IPO7: variants seen among roughly 807,000 people sequenced by gnomAD.
The protein encoded by IPO7 is importin 7.
IPO7 carries 13 observed loss-of-function variants against 136.4 expected under a neutral mutation model. That is an observed-to-expected ratio of 0.10 (90% confidence interval 0.06 to 0.15). The LOEUF is 0.15. Ranked by LOEUF, IPO7 falls within the 10% of genes least tolerant of loss-of-function variation. The probability of loss-of-function intolerance (pLI) is 1.00; values close to 1 mark genes in which losing one functional copy is unlikely to be tolerated. For synonymous variants in IPO7, 403 were observed against 404.4 expected (o/e 1.00, Z 0.04); for missense variants, 857 against 1,240.6 (o/e 0.69, Z 4.65).
intron 4 of IPO7, 94 bp downstream of exon 4, chr11:9,410,180 T>C: frequency 3.7e-6 from 3 of 817,494 alleles, no homozygotes; most frequent in Non-Finnish European, 5.3e-6. Flanking sequence ...ATATTTAGCA[T>C]AGATAATAAA....
intron 12 of IPO7, among the ~76,000 whole-genome samples, chr11:9,427,149 C>A (rs1010279983): frequency 1.3e-5 from 2 of 152,060 alleles, no homozygotes; most frequent in South Asian, 4.1e-4. Context: ...TGTGCCTGGC[C>A]CTTGCCCATT....
chr11:9,445,016 T>C (rs1590458138), intron 24 of IPO7, 81 bp from the exon 25 acceptor site: 1 of 868,456 alleles, frequency 1.2e-6, no homozygotes, highest in East Asian at 2.5e-5. Context: ...GTTAAGCTAC[T>C]GGCTTGTTTA....
chr11:9,400,191 T>C (rs779858792), intron 1 of IPO7, among the ~76,000 whole-genome samples: 4 of 152,232 alleles, frequency 2.6e-5, no homozygotes, highest in Non-Finnish European at 5.9e-5. Context: ...TGTATTGTTA[T>C]TTAAAATTTT....
chr11:9,398,824 A>G (rs1372059884), intron 1 of IPO7, among the ~76,000 whole-genome samples: 1 of 152,172 alleles, frequency 6.6e-6, no homozygotes, highest in Non-Finnish European at 1.5e-5. Flanking sequence ...GAACACTAGA[A>G]CTCACTAGTT....
Position 9,428,612 on chromosome 11 carries a change from G to A in IPO7, c.1408G>A (p.Gly470Ser). 6 of 1,562,714 alleles carry A rather than the reference G, an allele frequency of 3.8e-6. No individual in the cohort carries two copies. Among genetic ancestry groups the A allele is most frequent in the Non-Finnish European group, 5.3e-6 (6 of 1,135,646 alleles). ...HVFPLFSSEL[G>S]YMRARACWVL... is the part of the protein sequence containing the mutation. ...ATTCCCTCTCTTCAGCAGTGAACTA[G>A]GCTACATGAGAGCAAGGGTATGTTT... is the stretch of plus-strand genomic sequence containing the variant. The change falls in exon 13 of 25, where the codon GGC becomes AGC. Residue 470 changes from glycine to serine, a missense_variant. Physicochemically the swap from Gly to Ser is moderately conservative, Grantham distance 56 (BLOSUM62 0). This residue lies in a region of IPO7 where 127 missense variants were observed against 222.4 expected (regional missense o/e 0.57). Coordinates refer to ENST00000379719, the MANE Select transcript of IPO7 (RefSeq NM_006391.3).
chr11:9,388,891 C>T (rs1238251483), intron 1 of IPO7, among the ~76,000 whole-genome samples: 1 of 152,064 alleles, frequency 6.6e-6, no homozygotes, highest in Non-Finnish European at 1.5e-5. Context: ...TTTTCTTCTC[C>T]CCACTATAAT....
intron 1 of IPO7, among the ~76,000 whole-genome samples, chr11:9,400,465 A>T (rs1482253532): frequency 6.6e-6 from 1 of 151,664 alleles, no homozygotes; most frequent in Non-Finnish European, 1.5e-5. Context: ...GCTGTCGCCC[A>T]GGCTGGAGTG....
intron 8 of IPO7, among the ~76,000 whole-genome samples, chr11:9,421,019 C>T (rs563746005): frequency 2.2e-4 from 33 of 152,036 alleles, no homozygotes; most frequent in Admixed American, 5.9e-4. Context: ...AGTGCAGTGG[C>T]GTAATCTCGG....
intron 4 of IPO7, among the ~76,000 whole-genome samples, chr11:9,412,671 A>C (rs1854983068): frequency 6.6e-6 from 1 of 152,024 alleles, no homozygotes. Flanking sequence ...CTACAGACAA[A>C]AAAGAAAGTA....
At chr11:9,388,209 C>T (rs1185989757) in intron 1 of IPO7, among the ~76,000 whole-genome samples, 9 of 150,534 alleles carry the variant, frequency 6.0e-5, no homozygotes, top group Non-Finnish European at 1.5e-5. Flanking sequence ...CGGAGTCTTG[C>T]TCTTGTTGCC....
rs371667589 is a variant in IPO7, at chr11:9,424,290, T to C, written c.1141+414T>C. Among the ~76,000 whole-genome samples, 7 of 152,224 alleles carry C rather than the reference T, an allele frequency of 4.6e-5. No homozygotes were observed. In the East Asian group the frequency reaches 5.8e-4, roughly 13 times the overall value. ...TAATAATGTTGAATATTGGTCCTTA[T>C]TCTTACCAAGTCATTTGTGCTTTTT... On this transcript the variant is annotated intron_variant, in intron 10 of 24. Coordinates refer to ENST00000379719, the MANE Select transcript of IPO7 (RefSeq NM_006391.3).
At chr11:9,439,516 C>G (rs1262755901) in intron 22 of IPO7, among the ~76,000 whole-genome samples, 1 of 152,048 alleles carries the variant, frequency 6.6e-6, no homozygotes, top group Non-Finnish European at 1.5e-5. Flanking sequence ...ACAGTATTAA[C>G]AAAGGTACAC....
chr11:9,398,922 C>T (rs975803756), intron 1 of IPO7, among the ~76,000 whole-genome samples: 5 of 151,934 alleles, frequency 3.3e-5, no homozygotes, highest in Admixed American at 6.6e-5. Flanking sequence ...GTGAGTGGAG[C>T]GTGTTGAGAA....
At chr11:9,400,538 C>T (rs777066581) in intron 1 of IPO7, among the ~76,000 whole-genome samples, 67 of 152,100 alleles carry the variant, frequency 4.4e-4, no homozygotes, top group African/African-American at 7.2e-5. Flanking sequence ...TCTCCTGCCT[C>T]AGCCTCCAGA....
Position 9,437,742 on chromosome 11 carries a change from C to CT in IPO7, c.2269-5dup. 3 of 1,580,054 alleles carry CT rather than the reference C, an allele frequency of 1.9e-6. No individual in the cohort carries two copies. Among genetic ancestry groups the CT allele is most frequent in the South Asian group, 1.1e-5 (1 of 89,398 alleles). On this transcript the variant is annotated splice_polypyrimidine_tract_variant and intron_variant, in intron 20 of 24. Transcript: ENST00000379719. The stretch of plus-strand genomic sequence containing the variant: ...TTATAGTCTTAGAATATCTTGCTAT[C>CT]TTTTTTTGTAGTGCATTCCCTTATT...
chr11:9,427,645 T>C (rs1248039717), intron 12 of IPO7, among the ~76,000 whole-genome samples: 6 of 152,250 alleles, frequency 3.9e-5, no homozygotes, highest in Non-Finnish European at 8.8e-5. Context: ...ATTTGTGGCA[T>C]AGAAGGCTGA....
chr11:9,402,435 AG>A (rs1436476120), intron 1 of IPO7, among the ~76,000 whole-genome samples: 1 of 138,042 alleles, frequency 7.2e-6, no homozygotes, highest in Non-Finnish European at 1.6e-5. Flanking sequence ...AAAGAATGCT[AG>A]TTGGGGGTCA....
chr11:9,396,455 A>G (rs938863674), intron 1 of IPO7, among the ~76,000 whole-genome samples: 1 of 152,202 alleles, frequency 6.6e-6, no homozygotes, highest in East Asian at 1.9e-4. Flanking sequence ...AACTATTCAC[A>G]CATTTAAAGT....
chr11:9,445,216 G>A lies in IPO7; in HGVS notation c.*22G>A, dbSNP rs1179393743. 6.2e-6 allele frequency: 9 copies of A among 1,462,588 alleles called. No homozygotes were observed. The South Asian group carries it at 1.0e-4, about 17-fold the overall frequency. 90.6% of individuals were successfully genotyped at this position (1,462,588 alleles called of 1,614,324 possible). A position where few individuals can be genotyped will look rare whatever the true frequency, so the allele number is the denominator to read the frequency against. ...TTGAGTTATCTCTTTCTTTCCTGCT[G>A]TGTGCTTGTAGTGAAGAGCTTGTGT... On this transcript the variant is annotated 3_prime_UTR_variant, in exon 25 of 25. Coordinates refer to ENST00000379719, the MANE Select transcript of IPO7 (RefSeq NM_006391.3).
Sources: gnomAD v4.1 joint callset for allele counts (sites outside exome capture counted in the v4.1 genomes callset) on GRCh38, gnomAD v4.1.1 for gene constraint, gnomAD v4.1.1 regional missense constraint, MANE v1.5 for transcripts, NCBI Gene and HGNC (gene_info 2026-07-23, HGNC 2026-07-21) for gene names.